ACACB: variants seen among roughly 807,000 people sequenced by gnomAD.
ACACB encodes the protein acetyl-CoA carboxylase 2.
A neutral mutation model predicts 278.8 loss-of-function variants in ACACB; 209 were observed. The ratio of observed to expected loss-of-function variants is 0.75; its 90% CI spans 0.67 to 0.84. The LOEUF (loss-of-function observed/expected upper bound fraction) is 0.84. ACACB is among the 40% of genes least tolerant of loss of function. The pLI, the probability that ACACB is intolerant of heterozygous loss-of-function variation, is 0.00. For synonymous variants in ACACB, 1,174 were observed against 1,285.6 expected (o/e 0.91, Z 1.86); for missense variants, 2,850 against 3,269.0 (o/e 0.87, Z 3.13).
chr12:109,145,109 A>G (rs2043210838), intron 2 of ACACB, among the ~76,000 whole-genome samples: 1 of 152,050 alleles, frequency 6.6e-6, no homozygotes. Context: ...AAACAAATGC[A>G]ACTTTCTTAT....
At chr12:109,209,759 C>T (rs1052732937) in intron 21 of ACACB, among the ~76,000 whole-genome samples, 2 of 149,496 alleles carry the variant, frequency 1.3e-5, no homozygotes, top group Middle Eastern at 3.5e-3. Context: ...CATCTGGGAG[C>T]TCCATGTATG....
rs367552256 is a variant in ACACB, at chr12:109,191,727, C to T, written c.2259C>T (p.Thr753=). The part of the protein sequence containing the change: ...TESFQNNDID[T]GWLDYLIAEK... Reference sequence around the variant, plus strand: ...GCTTCCAGAACAACGACATCGACACCGGGTGGTTGGACTACCTCATTGCTG... The same window carrying T: ...GCTTCCAGAACAACGACATCGACACTGGGTGGTTGGACTACCTCATTGCTG... The change falls in exon 14 of 53, where the codon ACC becomes ACT. Residue 753 remains threonine, a synonymous_variant. Coordinates refer to ENST00000338432, the MANE Select transcript of ACACB (RefSeq NM_001093.4). 79 of 1,614,042 alleles carry T rather than the reference C, an allele frequency of 4.9e-5. No homozygotes were observed. The Admixed American group carries it at 1.1e-3, about 22-fold the overall frequency.
chr12:109,154,701 C>A (rs2043477833), intron 2 of ACACB: 2 of 152,420 alleles, frequency 1.3e-5, no homozygotes, highest in African/African-American at 4.8e-5. Flanking sequence ...GGAGCAAGCG[C>A]AGCGCGAAGT....
At chr12:109,206,427 T>TAAAAAAAAAAAA (rs2045512279) in intron 19 of ACACB, among the ~76,000 whole-genome samples, 1 of 55,208 alleles carries the variant, frequency 1.8e-5, no homozygotes, top group African/African-American at 1.2e-4. Flanking sequence ...TGCGAGTGTC[T>TAAAAAAAAAAAA]CAAAAAAAAA....
intron 19 of ACACB, among the ~76,000 whole-genome samples, chr12:109,205,256 A>G (rs966017393): frequency 4.6e-5 from 7 of 152,102 alleles, no homozygotes; most frequent in African/African-American, 1.4e-4. Flanking sequence ...TTCAGCACAC[A>G]TTTCCTGTGC....
At chr12:109,248,332 G>A (rs535464568) in intron 40 of ACACB, among the ~76,000 whole-genome samples, 1 of 152,274 alleles carries the variant, frequency 6.6e-6, no homozygotes, top group South Asian at 2.1e-4. Context: ...ATATATGAAA[G>A]GGACTTTATT....
intron 2 of ACACB, among the ~76,000 whole-genome samples, chr12:109,146,835 T>G (rs531853538): frequency 8.5e-5 from 13 of 152,186 alleles, no homozygotes; most frequent in African/African-American, 2.9e-4. Flanking sequence ...CCACCACAGC[T>G]GGCTAATTTT....
At chr12:109,151,028 G>T (rs2043359786) in intron 2 of ACACB, among the ~76,000 whole-genome samples, 1 of 143,782 alleles carries the variant, frequency 7.0e-6, no homozygotes, top group Non-Finnish European at 1.5e-5. Context: ...GCTCAGGCTG[G>T]AGTGCAGTGG....
intron 15 of ACACB, 66 bp downstream of exon 15, chr12:109,192,016 G>C: frequency 2.0e-6 from 3 of 1,528,472 alleles, no homozygotes; most frequent in Non-Finnish European, 9.0e-7. Flanking sequence ...GGCTGAATCT[G>C]TCTCCTTTAT....
chr12:109,164,055 T>C (rs34274), intron 2 of ACACB, among the ~76,000 whole-genome samples: 113,424 of 152,088 alleles, frequency 0.75, 44,804 homozygotes, highest in Middle Eastern at 0.89. Context: ...ATACTTGAGC[T>C]CATCACTGTG....
chr12:109,169,773 CTTGT>C lies in ACACB; in HGVS notation c.925+1742_925+1745del, dbSNP rs2044048496. Among the ~76,000 whole-genome samples, 3 of 152,128 alleles carry C rather than the reference CTTGT, an allele frequency of 2.0e-5. No homozygotes were observed. In the South Asian group the frequency reaches 6.2e-4, roughly 32 times the overall value. On this transcript the variant is annotated intron_variant, in intron 4 of 52. Transcript: ENST00000338432. ...AGTCTGTAGTTATTGTGTTTATTTTCTTGTTTATCTTCTCCAACATAAAAGAAAA... is the reference window on the plus strand; with the variant it reads ...AGTCTGTAGTTATTGTGTTTATTTTCTTATCTTCTCCAACATAAAAGAAAA...
chr12:109,257,312 C>CA (rs1346820275), intron 45 of ACACB, among the ~76,000 whole-genome samples: 4 of 148,182 alleles, frequency 2.7e-5, no homozygotes, highest in Non-Finnish European at 6.0e-5. Flanking sequence ...TTTTTAAAAG[C>CA]AAAAAATAAA....
At chr12:109,223,493 C>T (rs1441439946) in intron 26 of ACACB, among the ~76,000 whole-genome samples, 5 of 152,182 alleles carry the variant, frequency 3.3e-5, no homozygotes, top group Non-Finnish European at 4.4e-5. Flanking sequence ...CACGGTGGCT[C>T]ATGCCTGTAA....
chr12:109,130,781 C>A (rs2042804705), intron 1 of ACACB, among the ~76,000 whole-genome samples: 1 of 152,280 alleles, frequency 6.6e-6, no homozygotes, highest in South Asian at 2.1e-4. Context: ...GCGCCACTTG[C>A]TGAAGGGCCC....
chr12:109,253,633 G>A (rs61934342), intron 43 of ACACB, among the ~76,000 whole-genome samples: 2,620 of 152,264 alleles, frequency 0.017, 58 homozygotes, highest in Non-Finnish European at 0.019. Flanking sequence ...AAAGCACAAC[G>A]TTTGGTAGGT....
chr12:109,210,455 G>GTA (rs752486878), intron 21 of ACACB, among the ~76,000 whole-genome samples: 1 of 140,796 alleles, frequency 7.1e-6, no homozygotes, highest in African/African-American at 2.6e-5. Context: ...GTGTATATAT[G>GTA]TATATATACG....
chr12:109,233,958 C>T lies in ACACB; in HGVS notation c.4260C>T (p.Ile1420=). Residue 1420 remains isoleucine, a synonymous_variant, in exon 31 of 53, where the codon ATC becomes ATT. Transcript: ENST00000338432. ...CTCAGAGCCTCAGAGAAGAGCCCAT[C>T]CACATTCTGAATGTGTCCATCCAGT... ...DDCKSLREEP[I]HILNVSIQCA... 1.2e-6 allele frequency: 2 copies of T among 1,614,122 alleles called. No homozygotes were observed. The highest frequency in any genetic ancestry group is 1.6e-4 in the Middle Eastern group (1 of 6,062).
At chr12:109,197,245 C>T in intron 17 of ACACB, 92 bp downstream of exon 17, 4 of 1,477,020 alleles carry the variant, frequency 2.7e-6, no homozygotes, top group Non-Finnish European at 3.6e-6. Context: ...TGTGCAGGTC[C>T]AAGGGTCTTA....
intron 45 of ACACB, among the ~76,000 whole-genome samples, chr12:109,257,154 A>G (rs2047247413): frequency 6.6e-6 from 1 of 152,024 alleles, no homozygotes; most frequent in Non-Finnish European, 1.5e-5. Context: ...GGCACCTGTA[A>G]TCCCAGCTAC....
Sources: gnomAD v4.1 joint callset for allele counts (sites outside exome capture counted in the v4.1 genomes callset) on GRCh38, gnomAD v4.1.1 for gene constraint, MANE v1.5 for transcripts, NCBI Gene and HGNC (gene_info 2026-07-23, HGNC 2026-07-21) for gene names.